Variants in AKAP13 observed in about 807,000 individuals in gnomAD.
AKAP13 encodes the protein A-kinase anchoring protein 13, also known as A-kinase anchor protein 13.
Under a neutral mutation model 264.5 loss-of-function variants are expected in AKAP13, and 80 were observed. The observed-to-expected ratio is 0.30, with a 90% CI of 0.25 to 0.36. The LOEUF (loss-of-function observed/expected upper bound fraction) is 0.36, where lower values mean the gene tolerates loss of function less well. Among genes scored for constraint, AKAP13 ranks in the 10% least tolerant of loss-of-function variants. The pLI is 1.00. For synonymous variants in AKAP13, 1,380 were observed against 1,250.2 expected, an observed-to-expected ratio of 1.10 and a Z score of -2.19; for missense variants, 3,712 against 3,435.2, an observed-to-expected ratio of 1.08 and a Z score of -2.01.
Position 85,383,214 on chromosome 15 carries a change from G to T in AKAP13, c.-12+2416G>T, listed in dbSNP as rs947952872. On this transcript the variant is annotated intron_variant, in intron 1 of 36. Coordinates refer to ENST00000394518, the MANE Select transcript of AKAP13 (RefSeq NM_007200.5). ...AGCCAGTGAAATTATTAAAATTGTT[G>T]GACAAATCTAGTCACAACTCTCCCT... 3.3e-5 allele frequency among the ~76,000 whole-genome samples: 5 copies of T among 151,758 alleles called. 1 individual carries two copies. Among genetic ancestry groups the T allele is most frequent in the African/African-American group, 2.4e-5 (1 of 41,348 alleles).
intron 5 of AKAP13, among the ~76,000 whole-genome samples, chr15:85,544,508 G>A (rs543590972): frequency 6.6e-4 from 100 of 152,298 alleles, no homozygotes; most frequent in African/African-American, 2.2e-3. Context: ...CAACTGAATT[G>A]TCCTGGAAAT....
At chr15:85,481,243 C>T (rs1389639550) in intron 1 of AKAP13, among the ~76,000 whole-genome samples, 5 of 152,090 alleles carry the variant, frequency 3.3e-5, no homozygotes, top group Admixed American at 1.3e-4. Context: ...CAAACTTTTG[C>T]TATTGCTGAT....
At chr15:85,689,721 A>G (rs1203756383) in intron 16 of AKAP13, 1 of 152,240 alleles carries the variant, frequency 6.6e-6, no homozygotes, top group African/African-American at 2.4e-5. Flanking sequence ...CTTGGCCTCA[A>G]ACCTTGCTAG....
chr15:85,628,525 G>A (rs967915007), intron 8 of AKAP13, among the ~76,000 whole-genome samples: 1 of 152,198 alleles, frequency 6.6e-6, no homozygotes, highest in Non-Finnish European at 1.5e-5. Flanking sequence ...GAACCTGCCC[G>A]AAAGTGTGCA....
intron 26 of AKAP13, 130 bp downstream of exon 26, chr15:85,723,450 A>G: frequency 1.5e-6 from 2 of 1,296,302 alleles, no homozygotes; most frequent in Non-Finnish European, 2.1e-6. Context: ...CCCAGGAGCA[A>G]CAAGCATTTA....
intron 9 of AKAP13, among the ~76,000 whole-genome samples, chr15:85,643,712 A>C (rs1180840265): frequency 6.6e-6 from 1 of 152,204 alleles, no homozygotes; most frequent in East Asian, 1.9e-4. Flanking sequence ...GCCCCGTTTT[A>C]GTGAAGCTCT....
chr15:85,520,331 C>T (rs2076771430), intron 2 of AKAP13, among the ~76,000 whole-genome samples: 1 of 151,692 alleles, frequency 6.6e-6, no homozygotes, highest in Non-Finnish European at 1.5e-5. Flanking sequence ...CTTGTCTCTA[C>T]TAAAAATACA....
chr15:85,604,027 T>C (rs935088410), intron 8 of AKAP13, among the ~76,000 whole-genome samples: 8 of 152,166 alleles, frequency 5.3e-5, no homozygotes, highest in African/African-American at 1.9e-4. Context: ...GTGTGTTGAG[T>C]GTCTCAAAAG....
chr15:85,521,979 T>C (rs2076838863), intron 3 of AKAP13, among the ~76,000 whole-genome samples: 1 of 152,208 alleles, frequency 6.6e-6, no homozygotes, highest in Non-Finnish European at 1.5e-5. Context: ...GTAGTCAGCA[T>C]AGATACCGAT....
intron 1 of AKAP13, among the ~76,000 whole-genome samples, chr15:85,466,086 C>G (rs553937961): frequency 6.6e-6 from 1 of 152,198 alleles, no homozygotes; most frequent in African/African-American, 2.4e-5. Flanking sequence ...TTCTGATTTG[C>G]ATTTCTCTGA....
At chr15:85,677,307 C>G (rs773253331) in intron 14 of AKAP13, among the ~76,000 whole-genome samples, 10 of 152,212 alleles carry the variant, frequency 6.6e-5, no homozygotes, top group Non-Finnish European at 1.5e-4. Flanking sequence ...CGCTGAGCTA[C>G]TGGCCTCCTG....
Position 85,736,122 on chromosome 15 carries a change from A to C in AKAP13, c.7545A>C (p.Lys2515Asn). 2.5e-6 allele frequency: 4 copies of C among 1,605,628 alleles called. No homozygotes were observed. Among genetic ancestry groups the C allele is most frequent in the Non-Finnish European group, 3.4e-6 (4 of 1,172,492 alleles). ...ATGCTAACCTGGTATTTATGCTTAA[A>C]AGAAACAGTGAGGTAAGGACATTAT... ...GGNANLVFMLKRNSEQVVQSV... is the reference protein window; with the variant it reads ...GGNANLVFMLNRNSEQVVQSV... The change falls in exon 33 of 37, where the codon AAA (lysine) becomes AAC (asparagine). Residue 2515 changes from lysine (K) to asparagine (N), a missense_variant. Transcript: ENST00000394518.
At chr15:85,633,263 C>T (rs1388464574) in intron 8 of AKAP13, among the ~76,000 whole-genome samples, 2 of 151,862 alleles carry the variant, frequency 1.3e-5, no homozygotes, top group African/African-American at 4.8e-5. Context: ...TTCATTTCCA[C>T]ATTCTTTACT....
Position 85,578,997 on chromosome 15 carries a change from C to T in AKAP13, c.929C>T (p.Ala310Val), listed in dbSNP as rs1596590208. 6 of 1,614,074 alleles carry T rather than the reference C, an allele frequency of 3.7e-6. No individual in the cohort carries two copies. Among genetic ancestry groups the T allele is most frequent in the Non-Finnish European group, 4.2e-6 (5 of 1,180,028 alleles). ...ATGACAGCACAGGATCCTTCCAGTG[C>T]CCCAGAGACAGATGGCCAGTTTCTT... ...LMMTAQDPSS[A>V]PETDGQFLPC... The change falls in exon 7 of 37, where the codon GCC becomes GTC. Residue 310 changes from alanine (A) to valine (V), a missense_variant. Coordinates refer to ENST00000394518, the MANE Select transcript of AKAP13 (RefSeq NM_007200.5).
At chr15:85,686,281 T>C (rs1437398416) in intron 16 of AKAP13, among the ~76,000 whole-genome samples, 3 of 152,018 alleles carry the variant, frequency 2.0e-5, no homozygotes, top group Admixed American at 2.0e-4. Flanking sequence ...TAAACAAACA[T>C]TGAATTCAAG....
intron 1 of AKAP13, among the ~76,000 whole-genome samples, chr15:85,471,605 T>G (rs1596284499): frequency 6.6e-6 from 1 of 152,252 alleles, no homozygotes; most frequent in East Asian, 1.9e-4. Context: ...GATAACTGCG[T>G]ACGTAACCAC....
Position 85,581,055 on chromosome 15 carries a change from A to T in AKAP13, c.2987A>T (p.Glu996Val). ...TCTGCCTTTCTTAAGGCAGAAACTG[A>T]ACATAACAAGGAAGTGGCCCCACAA... ...ASSAFLKAET[E>V]HNKEVAPQVS... The change falls in exon 7 of 37, where the codon GAA becomes GTA. Residue 996 changes from glutamate (E) to valine (V), a missense_variant. Physicochemically the swap from Glu to Val is moderately radical, Grantham distance 121 (BLOSUM62 -2). Around this residue, in one of 3 missense-constraint regions of AKAP13, gnomAD observed 2,759 missense variants for 2,411.7 expected, o/e 1.14. Transcript: ENST00000394518. 1 of 1,614,004 alleles carries T rather than the reference A, an allele frequency of 6.2e-7. No homozygotes were observed. Among genetic ancestry groups the T allele is most frequent in the South Asian group, 1.1e-5 (1 of 91,070 alleles).
chr15:85,735,472 A>G (rs2088389856), intron 31 of AKAP13, 88 bp from the exon 32 acceptor site: 7 of 1,379,472 alleles, frequency 5.1e-6, no homozygotes, highest in African/African-American at 1.5e-5. Context: ...CAGACATACT[A>G]CATCCCCAAG....
At chr15:85,515,205 A>G (rs994442454) in intron 2 of AKAP13, among the ~76,000 whole-genome samples, 2 of 138,334 alleles carry the variant, frequency 1.4e-5, no homozygotes, top group African/African-American at 5.9e-5. Flanking sequence ...TTTCTTGGAA[A>G]CTATTCTGAA....
Sources: gnomAD v4.1 joint callset for allele counts (sites outside exome capture counted in the v4.1 genomes callset) on GRCh38, gnomAD v4.1.1 for gene constraint, gnomAD v4.1.1 regional missense constraint, MANE v1.5 for transcripts, NCBI Gene and HGNC (gene_info 2026-07-23, HGNC 2026-07-21) for gene names.